Variants in SCML4 observed in about 807,000 individuals in gnomAD.
SCML4 encodes Scm polycomb group protein like 4, also known as sex comb on midleg-like protein 4.
A neutral mutation model predicts 41.1 loss-of-function variants in SCML4; 34 were observed. The observed-to-expected ratio is 0.83, with a 90% CI of 0.63 to 1.10. The LOEUF (loss-of-function observed/expected upper bound fraction) is 1.10, where lower values mean the gene tolerates loss of function less well. Ranked by LOEUF, SCML4 falls within the 50% of genes least tolerant of loss-of-function variation. The pLI is 0.00. For missense variants in SCML4, 522 were observed against 534.1 expected (o/e 0.98, Z 0.22); for synonymous variants, 214 against 220.9 (o/e 0.97, Z 0.28).
chr6:107,747,095 C>G (rs1054335142), intron 3 of SCML4, among the ~76,000 whole-genome samples: 12 of 152,192 alleles, frequency 7.9e-5, no homozygotes, highest in African/African-American at 2.9e-4. Context: ...CAGGGCCTGA[C>G]CTCGGGGGCT....
At chr6:107,791,787 C>G (rs1220121648) in intron 1 of SCML4, among the ~76,000 whole-genome samples, 2 of 152,140 alleles carry the variant, frequency 1.3e-5, no homozygotes, top group Non-Finnish European at 2.9e-5. Context: ...AACCCCATCT[C>G]TACTTAAAAT....
At chr6:107,803,005 C>G (rs1783340675) in intron 1 of SCML4, among the ~76,000 whole-genome samples, 1 of 151,638 alleles carries the variant, frequency 6.6e-6, no homozygotes, top group Admixed American at 6.6e-5. Flanking sequence ...CTCGGCCTCC[C>G]GAGGTGCCGG....
intron 1 of SCML4, among the ~76,000 whole-genome samples, chr6:107,820,223 C>T (rs932985292): frequency 3.9e-5 from 6 of 152,186 alleles, no homozygotes; most frequent in Admixed American, 1.3e-4. Flanking sequence ...GCAATGCTAA[C>T]ATTTGAAAGA....
intron 5 of SCML4, among the ~76,000 whole-genome samples, chr6:107,735,972 T>C (rs1777028870): frequency 1.3e-5 from 2 of 152,208 alleles, no homozygotes; most frequent in South Asian, 4.1e-4. Flanking sequence ...TCTTTTCTTT[T>C]TCTACCCATC....
the SCML4 span, among the ~76,000 whole-genome samples, chr6:107,833,084 T>C: frequency 1.3e-5 from 2 of 152,084 alleles, no homozygotes; most frequent in African/African-American, 4.8e-5. Context: ...TATTGGGATA[T>C]AAGAGGCAGA....
intron 2 of SCML4, among the ~76,000 whole-genome samples, chr6:107,770,856 C>T (rs1780457966): frequency 6.6e-6 from 1 of 152,146 alleles, no homozygotes; most frequent in African/African-American, 2.4e-5. Context: ...TATGTTTCTT[C>T]GAATCCTGGA....
At chr6:107,776,653 AG>A (rs1239239623) in intron 1 of SCML4, among the ~76,000 whole-genome samples, 4 of 152,184 alleles carry the variant, frequency 2.6e-5, no homozygotes, top group African/African-American at 9.7e-5. Context: ...GCCTTTCTGG[AG>A]GACAATTTGA....
At chr6:107,741,658 C>T (rs1777609366) in intron 5 of SCML4, among the ~76,000 whole-genome samples, 1 of 152,252 alleles carries the variant, frequency 6.6e-6, no homozygotes, top group Non-Finnish European at 1.5e-5. Flanking sequence ...CCTTCCCACA[C>T]TGCTGGGATA....
chr6:107,736,098 G>A (rs1176428973), intron 5 of SCML4, among the ~76,000 whole-genome samples: 1 of 152,194 alleles, frequency 6.6e-6, no homozygotes, highest in Non-Finnish European at 1.5e-5. Context: ...ATGATGGGCT[G>A]TGCCTGCCCC....
chr6:107,745,993 A>T (rs1437453050), intron 4 of SCML4: 5 of 148,716 alleles, frequency 3.4e-5, no homozygotes, highest in Admixed American at 3.3e-4. Context: ...ATCCTGTCTC[A>T]AAATAAATAA....
At chr6:107,774,916 G>A (rs1780804261) in intron 1 of SCML4, among the ~76,000 whole-genome samples, 2 of 151,780 alleles carry the variant, frequency 1.3e-5, no homozygotes, top group South Asian at 4.2e-4. Context: ...CCAACTACTA[G>A]GGAGGCTGAG....
intron 1 of SCML4, among the ~76,000 whole-genome samples, chr6:107,797,025 T>A (rs1782763225): frequency 6.6e-6 from 1 of 152,138 alleles, no homozygotes; most frequent in Non-Finnish European, 1.5e-5. Context: ...TTTATTGATG[T>A]TTTTGTTTAT....
At position 107,737,447 on chromosome 6, in the gene SCML4, C is replaced by T. The variant is rs80310689; in HGVS notation, c.682+7502G>A. Among the ~76,000 whole-genome samples, 608 of 152,332 alleles carry T rather than the reference C, an allele frequency of 4.0e-3. 6 individuals are homozygous for T. The East Asian group carries it at 0.052, about 13-fold the overall frequency. On this transcript the variant is annotated intron_variant, in intron 5 of 7. Transcript: ENST00000369020. ...GTGCCACCTCGATCCAACCACTCTG[C>T]CCTTCATGCCCTTCTCTTCCCTTCC...
At chr6:107,779,766 G>A (rs1781336877) in intron 1 of SCML4, among the ~76,000 whole-genome samples, 1 of 152,120 alleles carries the variant, frequency 6.6e-6, no homozygotes, top group African/African-American at 2.4e-5. Flanking sequence ...GCTGCTTAGG[G>A]CTGTCTGTGA....
chr6:107,838,297 T>G, the SCML4 span, among the ~76,000 whole-genome samples: 106,936 of 151,962 alleles, frequency 0.7, 38,549 homozygotes, highest in East Asian at 0.93. Flanking sequence ...TGGTCAGGGC[T>G]GTGGCTCTCC....
intron 6 of SCML4, among the ~76,000 whole-genome samples, chr6:107,716,575 A>G (rs1021672538): frequency 6.6e-6 from 1 of 152,184 alleles, no homozygotes; most frequent in Non-Finnish European, 1.5e-5. Flanking sequence ...AATATGAATA[A>G]GAGGCTTCAC....
At position 107,705,027 on chromosome 6, in the gene SCML4, A is replaced by G. The variant is rs1345367735; in HGVS notation, c.*173T>C. 23 of 702,894 alleles carry G rather than the reference A, an allele frequency of 3.3e-5. No individual in the cohort carries two copies. The highest frequency in any genetic ancestry group is 1.2e-5 in the Non-Finnish European group (5 of 409,892). 43.5% of individuals were successfully genotyped at this position (702,894 alleles called of 1,614,324 possible). On this transcript the variant is annotated 3_prime_UTR_variant, in exon 8 of 8. Transcript: ENST00000369020. ...ACAGAGGAGCCTCTCGAAAAGGTCC[A>G]TGTTAAATTCTTCAAAAGGCAAAGA...
the SCML4 span, among the ~76,000 whole-genome samples, chr6:107,838,868 T>G: frequency 2.6e-5 from 4 of 152,306 alleles, no homozygotes; most frequent in East Asian, 7.7e-4. Flanking sequence ...GTAACTTTAT[T>G]GGGAGGATGA....
At chr6:107,825,129 G>A (rs571853576), upstream of SCML4, among the ~76,000 whole-genome samples, 4 of 152,312 alleles carry the variant, frequency 2.6e-5, no homozygotes, top group Non-Finnish European at 1.5e-5. Context: ...ATATATCGGC[G>A]AAGGGATCTT....
Sources: gnomAD v4.1 joint callset for allele counts (sites outside exome capture counted in the v4.1 genomes callset) on GRCh38, gnomAD v4.1.1 for gene constraint, MANE v1.5 for transcripts, NCBI Gene and HGNC (gene_info 2026-07-23, HGNC 2026-07-21) for gene names.